The following PDS5B variants were observed in gnomAD, a reference collection of about 807,000 sequenced individuals.
PDS5B encodes the protein PDS5 cohesin associated factor B, also known as sister chromatid cohesion protein PDS5 homolog B.
A neutral mutation model predicts 184.1 loss-of-function variants in PDS5B; 51 were observed. The ratio of observed to expected loss-of-function variants is 0.28; its 90% confidence interval spans 0.22 to 0.35. PDS5B has a LOEUF of 0.35. Ranked by LOEUF, PDS5B falls within the 10% of genes least tolerant of loss-of-function variation. The pLI, the probability that PDS5B is intolerant of heterozygous loss-of-function variation, is 1.00. For synonymous variants in PDS5B, 566 were observed against 569.2 expected (o/e 0.99, Z 0.08); for missense variants, 1,180 against 1,723.3 (o/e 0.68, Z 5.58).
In PDS5B at chr13:32,590,950, T is replaced by C. The variant is rs188587703; in HGVS notation, c.-20+4357T>C. 2.9e-3 allele frequency among the ~76,000 whole-genome samples: 439 copies of C among 150,320 alleles called. 5 individuals carry two copies. The highest frequency in any genetic ancestry group is 0.01 in the African/African-American group (426 of 40,628). On this transcript the variant is annotated intron_variant, in intron 1 of 34. Transcript: ENST00000315596. ...ATTGTGTATTTTAAGTTAAAAGTTA[T>C]ACAGGTATATGGTAAAAAAAAAAAA...
At position 32,775,584 on chromosome 13, in the gene PDS5B, C is replaced by T. The variant is rs1228998031; in HGVS notation, c.*532C>T. On this transcript the variant is annotated 3_prime_UTR_variant, in exon 35 of 35. Transcript: ENST00000315596. ...GGTCTCTTCCCTTTGTGTATCTTAC[C>T]TAGTGTTTACTCCTGGGCACCCTTA... The T allele has an allele frequency of 2.2e-6, 1 of 451,116 alleles. No homozygotes were observed. Among genetic ancestry groups the T allele is most frequent in the Non-Finnish European group, 4.4e-6 (1 of 224,942 alleles). 27.9% of individuals were successfully genotyped at this position (451,116 alleles called of 1,614,324 possible).
At chr13:32,754,208 T>A (rs1394013526) in intron 25 of PDS5B, among the ~76,000 whole-genome samples, 1 of 152,198 alleles carries the variant, frequency 6.6e-6, no homozygotes, top group Non-Finnish European at 1.5e-5. Context: ...TCTGACCCAC[T>A]GCCTGCTGTA....
Position 32,678,949 on chromosome 13 carries a change from G to A in PDS5B, c.1057+20G>A. 1 of 1,281,784 alleles carries A rather than the reference G, an allele frequency of 7.8e-7. No homozygotes were observed. The highest frequency in any genetic ancestry group is 1.1e-6 in the Non-Finnish European group (1 of 879,212). The allele number at this position is 1,281,784 out of a possible 1,614,324, so 79.4% of individuals were successfully genotyped here. On this transcript the variant is annotated intron_variant, in intron 10 of 34. Transcript: ENST00000315596. ...TAACAGGTACTATATATATGTAACA[G>A]CAAATATTCTTACGTGCTCTTCAGT...
intron 20 of PDS5B, among the ~76,000 whole-genome samples, chr13:32,733,116 A>G (rs933572767): frequency 5.3e-5 from 8 of 152,222 alleles, no homozygotes; most frequent in Non-Finnish European, 1.2e-4. Flanking sequence ...AATGGCTTCA[A>G]TAAATTGATG....
At chr13:32,631,796 A>G (rs1221309129) in intron 1 of PDS5B, among the ~76,000 whole-genome samples, 1 of 152,228 alleles carries the variant, frequency 6.6e-6, no homozygotes, top group African/African-American at 2.4e-5. Flanking sequence ...TCTTTACAAC[A>G]TGAATTGAGC....
chr13:32,718,153 GAA>G (rs1952543022), intron 19 of PDS5B, among the ~76,000 whole-genome samples: 1 of 124,862 alleles, frequency 8.0e-6, no homozygotes, highest in African/African-American at 2.8e-5. Flanking sequence ...AAGGGCTTCT[GAA>G]TTTTTTTTTT....
Position 32,770,774 on chromosome 13 carries a change from T to C in PDS5B, c.4172+13T>C. On this transcript the variant is annotated intron_variant, in intron 33 of 34. Transcript: ENST00000315596. Reference sequence around the variant, plus strand: ...CAAAAAAAAATGTGTAAGTTGTAAATATTACATTTCAAACCAATTTCAAAT... The same window carrying C: ...CAAAAAAAAATGTGTAAGTTGTAAACATTACATTTCAAACCAATTTCAAAT... 1 of 1,561,202 alleles carries C rather than the reference T, an allele frequency of 6.4e-7. No homozygotes were observed. The highest frequency in any genetic ancestry group is 8.7e-7 in the Non-Finnish European group (1 of 1,143,184).
intron 15 of PDS5B, among the ~76,000 whole-genome samples, chr13:32,697,783 T>G (rs747195183): frequency 3.3e-5 from 5 of 152,170 alleles, no homozygotes; most frequent in Non-Finnish European, 7.3e-5. Context: ...CAATCATAAC[T>G]CAAAGCTATC....
At chr13:32,763,282 GT>G (rs1201523763) in intron 30 of PDS5B, among the ~76,000 whole-genome samples, 2 of 152,114 alleles carry the variant, frequency 1.3e-5, no homozygotes, top group African/African-American at 4.8e-5. Flanking sequence ...CTCATTTGTG[GT>G]TTTTAAAAAA....
At chr13:32,673,043 G>A (rs762412843) in intron 7 of PDS5B, among the ~76,000 whole-genome samples, 173 bp from the exon 8 acceptor site, 1 of 152,146 alleles carries the variant, frequency 6.6e-6, no homozygotes, top group Non-Finnish European at 1.5e-5. Flanking sequence ...TGGATTCCAT[G>A]TTTTATCTTT....
chr13:32,775,095 A>ACC lies in PDS5B; in HGVS notation c.*43_*44insCC. On this transcript the variant is annotated 3_prime_UTR_variant, in exon 35 of 35. Coordinates refer to ENST00000315596, the MANE Select transcript of PDS5B (RefSeq NM_015032.4). ...CTTTCTCTGTGAAAGCTTTGGAAAA[A>ACC]TCTTTTTTTTTTTTTTTGGTCAAGC... 1.8e-6 allele frequency: 1 copy of ACC among 547,628 alleles called. No homozygotes were observed. The highest frequency in any genetic ancestry group is 2.6e-6 in the Non-Finnish European group (1 of 388,742). The allele number at this position is 547,628 out of a possible 1,614,324, so 33.9% of individuals were successfully genotyped here.
At chr13:32,609,659 A>T (rs1177815260) in intron 1 of PDS5B, among the ~76,000 whole-genome samples, 3 of 152,210 alleles carry the variant, frequency 2.0e-5, no homozygotes, top group Admixed American at 2.0e-4. Flanking sequence ...CATTCCAGAC[A>T]TACTTTTTCT....
chr13:32,679,744 C>G (rs1001019495), intron 10 of PDS5B, among the ~76,000 whole-genome samples: 3 of 152,180 alleles, frequency 2.0e-5, no homozygotes, highest in Non-Finnish European at 4.4e-5. Context: ...ATTTCCTACT[C>G]AAATTTGCAG....
In PDS5B at chr13:32,707,051, T is replaced by C; in HGVS notation, c.1962+12T>C. 2 of 1,462,392 alleles carry C rather than the reference T, an allele frequency of 1.4e-6. No individual in the cohort carries two copies. The highest frequency in any genetic ancestry group is 2.3e-5 in the East Asian group (1 of 42,760). The allele number at this position is 1,462,392 out of a possible 1,614,324, so 90.6% of individuals were successfully genotyped here. A position where few individuals can be genotyped will look rare whatever the true frequency, so the allele number is the denominator to read the frequency against. ...TTGAACTGCTTAAGGTAAGTATCTA[T>C]TTAAAATTAAGTGCCTAATTAGATA... On this transcript the variant is annotated intron_variant, in intron 18 of 34. Coordinates refer to ENST00000315596, the MANE Select transcript of PDS5B (RefSeq NM_015032.4).
intron 23 of PDS5B, among the ~76,000 whole-genome samples, chr13:32,744,948 G>C (rs1340282309): frequency 3.3e-5 from 5 of 152,076 alleles, no homozygotes; most frequent in African/African-American, 1.2e-4. Context: ...TTACTATAGA[G>C]CTACAAAGGG....
At chr13:32,617,381 A>G (rs1381760285) in intron 1 of PDS5B, among the ~76,000 whole-genome samples, 1 of 152,244 alleles carries the variant, frequency 6.6e-6, no homozygotes, top group Non-Finnish European at 1.5e-5. Context: ...TCTACAACAC[A>G]GACATACTGT....
intron 6 of PDS5B, 143 bp downstream of exon 6, chr13:32,659,423 G>A (rs1434867618): frequency 1.1e-5 from 5 of 470,454 alleles, no homozygotes; most frequent in South Asian, 1.5e-4. Flanking sequence ...CATATTTATT[G>A]TGATTAATGT....
At chr13:32,695,193 T>C (rs1206708206) in intron 14 of PDS5B, among the ~76,000 whole-genome samples, 1 of 151,946 alleles carries the variant, frequency 6.6e-6, no homozygotes. Flanking sequence ...AATAAGACAT[T>C]TTGTACCACC....
At chr13:32,706,148 C>T (rs868247619) in intron 17 of PDS5B, among the ~76,000 whole-genome samples, 6 of 151,770 alleles carry the variant, frequency 4.0e-5, no homozygotes, top group Non-Finnish European at 8.8e-5. Flanking sequence ...TTTGTTGGCG[C>T]GCACCTGTAA....
Sources: allele counts gnomAD v4.1 joint callset (sites outside exome capture counted in the v4.1 genomes callset), GRCh38; gene constraint gnomAD v4.1.1; transcripts MANE v1.5; gene names NCBI Gene and HGNC (gene_info 2026-07-23, HGNC 2026-07-21).